PRKN: variants seen among roughly 807,000 people sequenced by gnomAD.
PRKN encodes parkin RBR E3 ubiquitin protein ligase.
In PRKN, 56 loss-of-function variants were observed where a neutral mutation model predicts 59.5. That is an observed-to-expected ratio of 0.94 (90% CI 0.76 to 1.18). The LOEUF is 1.18. Ranked by LOEUF, PRKN falls within the 50% of genes most tolerant of loss-of-function variation. PRKN has a pLI of 0.00. For synonymous variants in PRKN, 250 were observed against 222.1 expected, an observed-to-expected ratio of 1.13 and a Z score of -1.12; for missense variants, 657 against 596.4, an observed-to-expected ratio of 1.10 and a Z score of -1.06.
chr6:161,727,279 C>T lies in PRKN; in HGVS notation c.871+58493G>A, dbSNP rs1787481141. ...TGCAGGGCAAATGCATTAGTTCCCG[C>T]TGTTATCCTGAGGACTGTTTCTCTG... is the stretch of plus-strand genomic sequence containing the variant. On this transcript the variant is annotated intron_variant, in intron 7 of 11. Coordinates refer to ENST00000366898, the MANE Select transcript of PRKN (RefSeq NM_004562.3). 2.0e-5 allele frequency among the ~76,000 whole-genome samples: 3 copies of T among 152,264 alleles called. No individual in the cohort carries two copies. The South Asian group carries it at 6.2e-4, about 32-fold the overall frequency.
chr6:161,362,109 A>T lies in PRKN; in HGVS notation c.1168-1904T>A, dbSNP rs1398574148. On this transcript the variant is annotated intron_variant, in intron 10 of 11. Transcript: ENST00000366898. This position sits in a 1 kb window ranked among gnomAD's most constrained non-coding sequence, Gnocchi z 5.2. ...GTTGGTAAGTCATACAAATTGGAGA[A>T]AAATACAATTTTACTTATCAGAAAA... is the stretch of plus-strand genomic sequence containing the variant. Among the ~76,000 whole-genome samples, 2 of 152,228 alleles carry T rather than the reference A, an allele frequency of 1.3e-5. No homozygotes were observed. The highest frequency in any genetic ancestry group is 4.8e-5 in the African/African-American group (2 of 41,466).
rs1004984106 is a variant in PRKN, at chr6:161,554,393, C to A, written c.934-5390G>T. Among the ~76,000 whole-genome samples, 12 of 117,040 alleles carry A rather than the reference C, an allele frequency of 1.0e-4. No individual in the cohort carries two copies. Among genetic ancestry groups the A allele is most frequent in the Non-Finnish European group, 1.9e-4 (11 of 59,136 alleles). 76.8% of individuals were successfully genotyped at this position (117,040 alleles called of 152,430 possible). A position where few individuals can be genotyped will look rare whatever the true frequency, so the allele number is the denominator to read the frequency against. ...GTCTTTCTCTTAACCTTCATGTTATCTTACTTCTATACACACACACACACA... is the reference window on the plus strand; with the variant it reads ...GTCTTTCTCTTAACCTTCATGTTATATTACTTCTATACACACACACACACA... On this transcript the variant is annotated intron_variant, in intron 8 of 11. Transcript: ENST00000366898. The surrounding 1 kb of genome is among the most constrained non-coding windows in gnomAD (Gnocchi z 4.5).
At chr6:162,701,886 C>CA (rs1491302116) in intron 1 of PRKN, among the ~76,000 whole-genome samples, 1,198 of 49,392 alleles carry the variant, frequency 0.024, 23 homozygotes, top group African/African-American at 0.088. Flanking sequence ...CACACACACA[C>CA]CCCCCCGACA....
chr6:162,027,799 C>T (rs1333927804), intron 5 of PRKN, among the ~76,000 whole-genome samples: 1 of 151,384 alleles, frequency 6.6e-6, no homozygotes, highest in Admixed American at 6.6e-5. Flanking sequence ...AGGTTGCCTC[C>T]GTGCTTAATA....
chr6:161,368,556 AAAC>A (rs1475283738), intron 10 of PRKN, among the ~76,000 whole-genome samples: 3 of 151,356 alleles, frequency 2.0e-5, no homozygotes, highest in Non-Finnish European at 4.4e-5. Context: ...ATCTGTCTCA[AAAC>A]AACAACAACG....
intron 4 of PRKN, among the ~76,000 whole-genome samples, chr6:162,158,578 T>C (rs955472669): frequency 2.6e-5 from 4 of 151,988 alleles, no homozygotes; most frequent in African/African-American, 9.7e-5. Context: ...ACTACACTTG[T>C]GCACCAGCAC....
Position 162,077,900 on chromosome 6 carries a change from G to A in PRKN, c.535-23726C>T, listed in dbSNP as rs939420761. Among the ~76,000 whole-genome samples, 86 of 150,778 alleles carry A rather than the reference G, an allele frequency of 5.7e-4. 1 individual carries two copies. The highest frequency in any genetic ancestry group is 2.1e-3 in the African/African-American group (85 of 40,820). ...CTGTAATCCCAGCTAACTCAGTAGG[G>A]TGAGGCAGGATAATCACTTGAACTC... On this transcript the variant is annotated intron_variant, in intron 4 of 11. Coordinates refer to ENST00000366898, the MANE Select transcript of PRKN (RefSeq NM_004562.3).
At chr6:161,698,741 T>C (rs2128178192) in intron 7 of PRKN, among the ~76,000 whole-genome samples, 1 of 152,294 alleles carries the variant, frequency 6.6e-6, no homozygotes, top group South Asian at 2.1e-4. Context: ...CAAGTAATGC[T>C]AACATAATTT....
chr6:162,466,439 C>T (rs952178302), intron 1 of PRKN, among the ~76,000 whole-genome samples: 1 of 152,152 alleles, frequency 6.6e-6, no homozygotes, highest in African/African-American at 2.4e-5. Flanking sequence ...CGCTCTGTCA[C>T]CCAGGCTGAA....
intron 4 of PRKN, among the ~76,000 whole-genome samples, chr6:162,135,223 A>G (rs1406574080): frequency 2.0e-5 from 3 of 152,076 alleles, no homozygotes; most frequent in Admixed American, 2.0e-4. Flanking sequence ...TGTAGTCTCT[A>G]ACCCCTAGGC....
At chr6:162,082,157 G>A (rs1779083762) in intron 4 of PRKN, among the ~76,000 whole-genome samples, 1 of 151,972 alleles carries the variant, frequency 6.6e-6, no homozygotes, top group African/African-American at 2.4e-5. Flanking sequence ...GTTGAATCAT[G>A]GGGGTAGGTC....
chr6:161,731,505 A>C (rs1423158659), intron 7 of PRKN, among the ~76,000 whole-genome samples: 1 of 152,256 alleles, frequency 6.6e-6, no homozygotes, highest in Non-Finnish European at 1.5e-5. Context: ...AAAAGATTTA[A>C]AAGTAAAAGT....
rs142711440 is a variant in PRKN at position 162,304,101 on chromosome 6, A to G, written c.172-41336T>C. Among the ~76,000 whole-genome samples the G allele has an allele frequency of 2.6e-3, 396 of 151,282 alleles. 17 individuals carry two copies. The highest frequency in any genetic ancestry group is 8.9e-3 in the African/African-American group (368 of 41,184). The stretch of plus-strand genomic sequence containing the variant: ...TGAAGGGAGAAAAAAAAAGAAATAG[A>G]AGTAATCCAAGTGATTATAATTCAT... On this transcript the variant is annotated intron_variant, in intron 2 of 11. Transcript: ENST00000366898.
intron 4 of PRKN, among the ~76,000 whole-genome samples, chr6:162,183,452 C>T (rs1246268223): frequency 6.6e-6 from 1 of 152,114 alleles, no homozygotes; most frequent in Non-Finnish European, 1.5e-5. Context: ...AGGAGATGTC[C>T]TTGACAGATG....
chr6:161,674,726 A>T (rs182720695), intron 7 of PRKN, among the ~76,000 whole-genome samples: 1 of 152,238 alleles, frequency 6.6e-6, no homozygotes, highest in Non-Finnish European at 1.5e-5. Context: ...CACAAAAAAG[A>T]TACATCATAT....
chr6:162,262,051 T>C (rs1020612412), intron 3 of PRKN, among the ~76,000 whole-genome samples: 27 of 152,258 alleles, frequency 1.8e-4, no homozygotes, highest in African/African-American at 6.3e-4. Context: ...TTTGACTATT[T>C]AGATTAGAGA....
rs1280302733 is a variant in PRKN, at chr6:162,235,953, GAAA to G, written c.412+26569_412+26571del. 7.8e-4 allele frequency among the ~76,000 whole-genome samples: 60 copies of G among 76,460 alleles called. 1 individual carries two copies. Among genetic ancestry groups the G allele is most frequent in the Non-Finnish European group, 9.5e-4 (42 of 44,400 alleles). 50.2% of individuals were successfully genotyped at this position (76,460 alleles called of 152,430 possible). On this transcript the variant is annotated intron_variant, in intron 3 of 11. Coordinates refer to ENST00000366898, the MANE Select transcript of PRKN (RefSeq NM_004562.3). ...AGGAAGGAAGGAAGGAAGGAAGGAA[GAAA>G]GGAAGAAAGAAAGAAAGAAAGAAAG...
intron 6 of PRKN, 49 bp downstream of exon 6, chr6:161,973,253 C>A (rs1477913172): frequency 5.0e-6 from 6 of 1,204,172 alleles, no homozygotes; most frequent in Non-Finnish European, 7.4e-6. Context: ...ATTTTTAGAT[C>A]CTTACCTCAC....
intron 2 of PRKN, among the ~76,000 whole-genome samples, chr6:162,321,009 A>C (rs1451159743): frequency 6.6e-6 from 1 of 151,924 alleles, no homozygotes; most frequent in African/African-American, 2.4e-5. Flanking sequence ...AGAAGAAAAA[A>C]GAAAACAATA....
Sources: gnomAD v4.1 joint callset for allele counts (sites outside exome capture counted in the v4.1 genomes callset) on GRCh38, gnomAD v4.1.1 for gene constraint, Gnocchi (gnomAD v3.1) non-coding constraint, MANE v1.5 for transcripts, NCBI Gene and HGNC (gene_info 2026-07-23, HGNC 2026-07-21) for gene names.